Variants in TERF1 observed in about 807,000 individuals in gnomAD.
The protein encoded by TERF1 is telomeric repeat binding factor 1, also known as telomeric repeat-binding factor 1.
TERF1 carries 20 observed loss-of-function variants against 55.1 expected under a neutral mutation model. The observed-to-expected ratio is 0.36, with a 90% CI of 0.26 to 0.53. The LOEUF (loss-of-function observed/expected upper bound fraction) is 0.53. TERF1 is among the 20% of genes least tolerant of loss of function. The probability of loss-of-function intolerance (pLI) is 0.91; values close to 1 mark genes in which losing one functional copy is unlikely to be tolerated. For synonymous variants in TERF1, 168 were observed against 181.2 expected, an observed-to-expected ratio of 0.93 and a Z score of 0.59; for missense variants, 439 against 535.7, an observed-to-expected ratio of 0.82 and a Z score of 1.78.
intron 2 of TERF1, chr8:73,018,975 G>GTCATCC (rs1399421105): frequency 6.6e-6 from 1 of 152,124 alleles, no homozygotes; most frequent in African/African-American, 2.4e-5. Context: ...GAATTTTTGT[G>GTCATCC]TCATCCTTCT....
intron 2 of TERF1, among the ~76,000 whole-genome samples, chr8:73,020,397 G>A (rs575788905): frequency 6.6e-6 from 1 of 152,110 alleles, no homozygotes; most frequent in Non-Finnish European, 1.5e-5. Flanking sequence ...TAAGAATTCT[G>A]TTGCTATGAC....
At chr8:73,031,821 G>T (rs187411156) in intron 7 of TERF1, 82 of 335,002 alleles carry the variant, frequency 2.4e-4, no homozygotes, top group African/African-American at 1.6e-3. Context: ...AAAACATCTT[G>T]ATTTCTGCGG....
chr8:73,020,847 A>G (rs942470779), intron 3 of TERF1, 42 bp downstream of exon 3: 8 of 1,147,874 alleles, frequency 7.0e-6, no homozygotes, highest in African/African-American at 1.6e-5. Flanking sequence ...TTTCTAGAAA[A>G]TAACATTTAA....
Position 73,008,929 on chromosome 8 carries a change from T to C in TERF1, c.43T>C (p.Cys15Arg), listed in dbSNP as rs1375446621. Residue 15 changes from cysteine to arginine, a missense_variant, in exon 1 of 10, where the codon TGT becomes CGT. Cys to Arg is a radical substitution (Grantham distance 180). Transcript: ENST00000276603. ...CTCAGCGGCCCCGAGCCCGCGGGGCTGTGCGGATGGTAGGGATGCCGACCC... is the reference window on the plus strand; with the variant it reads ...CTCAGCGGCCCCGAGCCCGCGGGGCCGTGCGGATGGTAGGGATGCCGACCC... ...VSSAAPSPRG[C>R]ADGRDADPTE... 2 of 1,612,458 alleles carry C rather than the reference T, an allele frequency of 1.2e-6. No homozygotes were observed. The highest frequency in any genetic ancestry group is 1.7e-4 in the Middle Eastern group (1 of 5,964).
chr8:73,030,512 C>G (rs1021156453), intron 7 of TERF1, 117 bp downstream of exon 7: 2 of 630,698 alleles, frequency 3.2e-6, no homozygotes, highest in Non-Finnish European at 5.0e-6. Flanking sequence ...TCTCAGGGTC[C>G]TAGTTAGCCC....
chr8:73,018,718 T>C (rs1361865937), intron 2 of TERF1, among the ~76,000 whole-genome samples: 10 of 152,182 alleles, frequency 6.6e-5, no homozygotes, highest in Non-Finnish European at 1.5e-4. Context: ...ATTCTCTTTA[T>C]TATGCTTATT....
rs369104429 is a variant in TERF1, at chr8:73,046,895, A to G, written c.*758A>G. ...TACTACTTAATTACTTAAGATGTTT[A>G]TTAATAGAATGATAAATGTACAGAG... On this transcript the variant is annotated 3_prime_UTR_variant, in exon 10 of 10. Coordinates refer to ENST00000276603, the MANE Select transcript of TERF1 (RefSeq NM_017489.3). The G allele has an allele frequency of 1.3e-5, 2 of 152,352 alleles. No individual in the cohort carries two copies. The highest frequency in any genetic ancestry group is 1.9e-4 in the East Asian group (1 of 5,192). 9.4% of individuals were successfully genotyped at this position (152,352 alleles called of 1,614,324 possible).
chr8:73,038,899 A>T (rs922090503), intron 8 of TERF1: 1 of 532,032 alleles, frequency 1.9e-6, no homozygotes, highest in East Asian at 4.3e-5. Flanking sequence ...ATTTAAAGAC[A>T]TATAAAAGAA....
At chr8:73,021,795 T>G (rs1021309719) in intron 3 of TERF1, among the ~76,000 whole-genome samples, 2 of 152,186 alleles carry the variant, frequency 1.3e-5, no homozygotes, top group African/African-American at 4.8e-5. Flanking sequence ...AGGTGTGTAT[T>G]AGATATTTTC....
Position 73,046,480 on chromosome 8 carries a change from A to G in TERF1, c.*343A>G, listed in dbSNP as rs1810040036. 1 of 160,332 alleles carries G rather than the reference A, an allele frequency of 6.2e-6. No homozygotes were observed. Among genetic ancestry groups the G allele is most frequent in the Non-Finnish European group, 1.4e-5 (1 of 73,986 alleles). The allele number at this position is 160,332 out of a possible 1,614,324, so 9.9% of individuals were successfully genotyped here. On this transcript the variant is annotated 3_prime_UTR_variant, in exon 10 of 10. Transcript: ENST00000276603. ...GTCTGTAGGCTGACCTCAACCCTGTAACGTAACCCATTAAAATGAATTTCT... is the reference window on the plus strand; with the variant it reads ...GTCTGTAGGCTGACCTCAACCCTGTGACGTAACCCATTAAAATGAATTTCT...
In TERF1 at chr8:73,047,742, G is replaced by A. The variant is rs528945217; in HGVS notation, c.*1605G>A. The A allele has an allele frequency of 2.0e-5, 3 of 152,164 alleles. No individual in the cohort carries two copies. The highest frequency in any genetic ancestry group is 4.4e-5 in the Non-Finnish European group (3 of 68,022). 9.4% of individuals were successfully genotyped at this position (152,164 alleles called of 1,614,324 possible). ...TATATATAAACAGAAACATGGATGA[G>A]TACCATATACTTCCTGACTCCTTTA... On this transcript the variant is annotated 3_prime_UTR_variant, in exon 10 of 10. Transcript: ENST00000276603.
rs56002518 is a variant in TERF1, at chr8:73,038,892, T to G, written c.1040-224T>G. The G allele has an allele frequency of 1.1e-3, 558 of 521,716 alleles. 3 individuals are homozygous for G. Among genetic ancestry groups the G allele is most frequent in the African/African-American group, 9.9e-3 (498 of 50,168 alleles). The allele number at this position is 521,716 out of a possible 1,614,324, so 32.3% of individuals were successfully genotyped here. Reference sequence around the variant, plus strand: ...GTTCAGGGATGTGAAATGATTTATTTAAAGACATATAAAAGAATCAAGACT... The same window carrying G: ...GTTCAGGGATGTGAAATGATTTATTGAAAGACATATAAAAGAATCAAGACT... On this transcript the variant is annotated intron_variant, in intron 8 of 9. Coordinates refer to ENST00000276603, the MANE Select transcript of TERF1 (RefSeq NM_017489.3).
intron 6 of TERF1, among the ~76,000 whole-genome samples, chr8:73,028,109 T>C (rs1008372458): frequency 6.6e-6 from 1 of 152,232 alleles, no homozygotes; most frequent in Non-Finnish European, 1.5e-5. Context: ...ATGATACTAA[T>C]ACCCAGTACA....
At chr8:73,014,888 A>G (rs928397530) in intron 2 of TERF1, among the ~76,000 whole-genome samples, 1 of 152,214 alleles carries the variant, frequency 6.6e-6, no homozygotes, top group Non-Finnish European at 1.5e-5. Flanking sequence ...GAGGCAGAAT[A>G]GTTGTGAAAG....
At chr8:73,026,825 A>C (rs1376322115) in intron 5 of TERF1, 115 bp from the exon 6 acceptor site, 2 of 778,164 alleles carry the variant, frequency 2.6e-6, no homozygotes, top group African/African-American at 1.8e-5. Context: ...TGGCCTGTGA[A>C]CAGATACATT....
At chr8:73,032,231 C>G (rs1298108538) in intron 8 of TERF1, 98 bp downstream of exon 8, 1 of 774,492 alleles carries the variant, frequency 1.3e-6, no homozygotes, top group South Asian at 1.9e-5. Flanking sequence ...ACACACACTT[C>G]AGAAAACTGA....
chr8:73,031,568 C>T (rs936446473), intron 7 of TERF1: 6 of 152,204 alleles, frequency 3.9e-5, no homozygotes, highest in African/African-American at 1.4e-4. Context: ...AATGATGCCA[C>T]ATCCTGTGTT....
In TERF1 at chr8:73,031,197, G is replaced by A. The variant is rs55653900; in HGVS notation, c.947+802G>A. On this transcript the variant is annotated intron_variant, in intron 7 of 9. Coordinates refer to ENST00000276603, the MANE Select transcript of TERF1 (RefSeq NM_017489.3). The stretch of plus-strand genomic sequence containing the variant: ...CTGTCTCTGGAGTCCTATAGTTTAT[G>A]GAGGGTGGAAGATTAAGCCAATCTC... The A allele has an allele frequency of 7.4e-3, 1,122 of 152,320 alleles. 21 individuals are homozygous for A. The highest frequency in any genetic ancestry group is 0.025 in the African/African-American group (1,032 of 41,568). 9.4% of individuals were successfully genotyped at this position (152,320 alleles called of 1,614,324 possible).
chr8:73,028,748 TC>T (rs1809144318), intron 6 of TERF1, among the ~76,000 whole-genome samples: 4 of 152,260 alleles, frequency 2.6e-5, no homozygotes, highest in Admixed American at 1.3e-4. Context: ...ATCTCAGAGA[TC>T]ACCTATATGA....
Sources: gnomAD v4.1 joint callset for allele counts (sites outside exome capture counted in the v4.1 genomes callset) on GRCh38, gnomAD v4.1.1 for gene constraint, MANE v1.5 for transcripts, NCBI Gene and HGNC (gene_info 2026-07-23, HGNC 2026-07-21) for gene names.